The following NAIF1 variants were observed in gnomAD, a reference collection of about 807,000 sequenced individuals.
NAIF1 encodes nuclear apoptosis inducing factor 1.
In NAIF1, 14 loss-of-function variants were observed where a neutral mutation model predicts 20.7. The ratio of observed to expected loss-of-function variants is 0.67; its 90% CI spans 0.45 to 1.05. NAIF1 has a LOEUF of 1.05. NAIF1 is among the 50% of genes least tolerant of loss of function. The pLI is 0.00. For missense variants in NAIF1, 362 were observed against 448.8 expected, an observed-to-expected ratio of 0.81 and a Z score of 1.75; for synonymous variants, 191 against 191.4, an observed-to-expected ratio of 1.00 and a Z score of 0.02.
At position 128,062,867 on chromosome 9, in the gene NAIF1, G is replaced by A. The variant is rs1036221006; in HGVS notation, c.*561C>T. 1.8e-5 allele frequency: 3 copies of A among 163,802 alleles called. No individual in the cohort carries two copies. The highest frequency in any genetic ancestry group is 7.2e-5 in the African/African-American group (3 of 41,594). 10.1% of individuals were successfully genotyped at this position (163,802 alleles called of 1,614,324 possible). On this transcript the variant is annotated 3_prime_UTR_variant, in exon 2 of 2. Transcript: ENST00000373078. ...CCTAACAAGGGCCTGCGCTGTGCCT[G>A]GGGTGGGGTCGGGGGAGAGCACAAC...
rs1028665817 is a variant in NAIF1, at chr9:128,061,865, C to T, written c.*1563G>A. On this transcript the variant is annotated 3_prime_UTR_variant, in exon 2 of 2. Coordinates refer to ENST00000373078, the MANE Select transcript of NAIF1 (RefSeq NM_197956.4). ...AGACAAATGGCATCTGGGTAAAATC[C>T]TTACAGACATCTCAGAAGAGAAAGT... 3 of 152,220 alleles carry T rather than the reference C, an allele frequency of 2.0e-5. No individual in the cohort carries two copies. Among genetic ancestry groups the T allele is most frequent in the African/African-American group, 7.2e-5 (3 of 41,440 alleles). The allele number at this position is 152,220 out of a possible 1,614,324, so 9.4% of individuals were successfully genotyped here. A position where few individuals can be genotyped will look rare whatever the true frequency, so the allele number is the denominator to read the frequency against.
In NAIF1 at chr9:128,063,191, C is replaced by A. The variant is rs1490453125; in HGVS notation, c.*237G>T. On this transcript the variant is annotated 3_prime_UTR_variant, in exon 2 of 2. Transcript: ENST00000373078. This position sits in a 1 kb window ranked among gnomAD's most constrained non-coding sequence, Gnocchi z 4.3. ...CATGTCCCATCACATGCACACGTGA[C>A]CCCCTGCTAACCAATCTTCTGGATC... 66 of 561,936 alleles carry A rather than the reference C, an allele frequency of 1.2e-4. No homozygotes were observed. In the South Asian group the frequency reaches 1.4e-3, roughly 12 times the overall value. The allele number at this position is 561,936 out of a possible 1,614,324, so 34.8% of individuals were successfully genotyped here. A position where few individuals can be genotyped will look rare whatever the true frequency, so the allele number is the denominator to read the frequency against.
chr9:128,066,491 C>G (rs1564172890), intron 1 of NAIF1, 100 bp downstream of exon 1: 1 of 1,311,698 alleles, frequency 7.6e-7, no homozygotes, highest in Non-Finnish European at 1.0e-6. Context: ...AGACCCCCAT[C>G]TGACCTCTGA....
chr9:128,063,659 G>C lies in NAIF1; in HGVS notation c.753C>G (p.Asn251Lys), dbSNP rs778760393. ...KEIAQHLEQQ[N>K]DLLQMIRRSQ... Reference sequence around the variant, plus strand: ...AGCGGCGGATCATCTGCAGTAGGTCGTTCTGCTGTTCCAGGTGCTGTGCGA... The same window carrying C: ...AGCGGCGGATCATCTGCAGTAGGTCCTTCTGCTGTTCCAGGTGCTGTGCGA... The change falls in exon 2 of 2, where the codon AAC becomes AAG. Residue 251 changes from asparagine (N) to lysine (K), a missense_variant. Asn to Lys is a moderately conservative substitution (Grantham distance 94). Around this residue, in one of 3 missense-constraint regions of NAIF1, gnomAD observed 300 missense variants for 342.7 expected, o/e 0.88. Transcript: ENST00000373078. This position sits in a 1 kb window ranked among gnomAD's most constrained non-coding sequence, Gnocchi z 4.3. 11 of 1,614,076 alleles carry C rather than the reference G, an allele frequency of 6.8e-6. No homozygotes were observed. The highest frequency in any genetic ancestry group is 2.7e-5 in the African/African-American group (2 of 74,960).
In NAIF1 at chr9:128,063,645, A is replaced by G. The variant is rs1832744682; in HGVS notation, c.767T>C (p.Met256Thr). Residue 256 changes from methionine (M) to threonine (T), a missense_variant, in exon 2 of 2, where the codon ATG becomes ACG. Met to Thr is a moderately conservative substitution (Grantham distance 81). Coordinates refer to ENST00000373078, the MANE Select transcript of NAIF1 (RefSeq NM_197956.4). This position sits in a 1 kb window ranked among gnomAD's most constrained non-coding sequence, Gnocchi z 4.3. The stretch of plus-strand genomic sequence containing the variant: ...CTGCACTTCCTGGGAGCGGCGGATC[A>G]TCTGCAGTAGGTCGTTCTGCTGTTC... Reference protein sequence around the residue: ...HLEQQNDLLQMIRRSQEVQAC... With the variant: ...HLEQQNDLLQTIRRSQEVQAC... The G allele has an allele frequency of 1.2e-6, 2 of 1,614,124 alleles. No individual in the cohort carries two copies. The highest frequency in any genetic ancestry group is 4.5e-5 in the East Asian group (2 of 44,886).
In NAIF1 at chr9:128,066,815, G is replaced by C; in HGVS notation, c.287C>G (p.Pro96Arg). ...VRAAVEGGEAPGPTEEDGAGG... is the reference protein window; with the variant it reads ...VRAAVEGGEARGPTEEDGAGG... ...AGCTCCGTCCTCCTCAGTGGGCCCC[G>C]GCGCCTCACCACCCTCCACGGCGGC... is the stretch of plus-strand genomic sequence containing the variant. The change falls in exon 1 of 2, where the codon CCG becomes CGG. Residue 96 changes from proline (P) to arginine (R), a missense_variant. Physicochemically the swap from Pro to Arg is moderately radical, Grantham distance 103. Around this residue, in one of 3 missense-constraint regions of NAIF1, gnomAD observed 300 missense variants for 342.7 expected, o/e 0.88. Coordinates refer to ENST00000373078, the MANE Select transcript of NAIF1 (RefSeq NM_197956.4). 6.2e-7 allele frequency: 1 copy of C among 1,611,048 alleles called. No homozygotes were observed. Among genetic ancestry groups the C allele is most frequent in the Non-Finnish European group, 8.5e-7 (1 of 1,178,756 alleles).
intron 1 of NAIF1, 21 bp downstream of exon 1, chr9:128,066,570 T>C (rs753786652): frequency 6.7e-7 from 1 of 1,484,424 alleles, no homozygotes; most frequent in Non-Finnish European, 8.9e-7. Context: ...GCACGCCGCC[T>C]GGGCAGGAGA....
At chr9:128,064,727 G>T (rs923851118) in intron 1 of NAIF1, among the ~76,000 whole-genome samples, 1 of 152,060 alleles carries the variant, frequency 6.6e-6, no homozygotes, top group African/African-American at 2.4e-5. Context: ...CCCCGGCCGG[G>T]CGCGGTGGCT....
In NAIF1 at chr9:128,063,977, G is replaced by A; in HGVS notation, c.512-77C>T. On this transcript the variant is annotated intron_variant, in intron 1 of 1. Transcript: ENST00000373078. The surrounding 1 kb of genome is among the most constrained non-coding windows in gnomAD (Gnocchi z 4.3). Reference sequence around the variant, plus strand: ...AAAGCTGGCTGTATGGGGTGGGGAGGAGGCCATAAAGTCCTGTCCTGGAGG... The same window carrying A: ...AAAGCTGGCTGTATGGGGTGGGGAGAAGGCCATAAAGTCCTGTCCTGGAGG... 2 of 1,355,134 alleles carry A rather than the reference G, an allele frequency of 1.5e-6. No individual in the cohort carries two copies. The highest frequency in any genetic ancestry group is 2.0e-6 in the Non-Finnish European group (2 of 987,902). The allele number at this position is 1,355,134 out of a possible 1,614,324, so 83.9% of individuals were successfully genotyped here.
chr9:128,064,703 G>T (rs1157742699), intron 1 of NAIF1, among the ~76,000 whole-genome samples: 1 of 151,886 alleles, frequency 6.6e-6, no homozygotes, highest in Non-Finnish European at 1.5e-5. Context: ...GCTGCTCCTA[G>T]CTAAGAAAGG....
intron 1 of NAIF1, among the ~76,000 whole-genome samples, chr9:128,065,985 C>A (rs1832772876): frequency 6.6e-6 from 1 of 152,200 alleles, no homozygotes; most frequent in South Asian, 2.1e-4. Flanking sequence ...TATGTGTCAT[C>A]TCTGTCCTAC....
At chr9:128,064,652 C>T (rs1452535263) in intron 1 of NAIF1, among the ~76,000 whole-genome samples, 1 of 152,070 alleles carries the variant, frequency 6.6e-6, no homozygotes, top group Admixed American at 6.6e-5. Context: ...CCCAGGTCTC[C>T]CCAACAGCAG....
chr9:128,065,328 G>A (rs1371165077), intron 1 of NAIF1, among the ~76,000 whole-genome samples: 2 of 152,068 alleles, frequency 1.3e-5, no homozygotes, highest in African/African-American at 4.8e-5. Context: ...TATTGGCCAG[G>A]CTTGTCTCGA....
At position 128,067,275 on chromosome 9, in the gene NAIF1, G is replaced by A. The variant is rs986994627; in HGVS notation, c.-174C>T. ...CCCCCCTCGCTACGCAAAGTGCGTA[G>A]GGCCCAGCCCCGACCGGCCCGGCCG... On this transcript the variant is annotated 5_prime_UTR_variant, in exon 1 of 2. Transcript: ENST00000373078. 1.2e-5 allele frequency: 9 copies of A among 768,440 alleles called. No homozygotes were observed. Among genetic ancestry groups the A allele is most frequent in the South Asian group, 6.5e-5 (3 of 45,808 alleles). The allele number at this position is 768,440 out of a possible 1,614,324, so 47.6% of individuals were successfully genotyped here. A position where few individuals can be genotyped will look rare whatever the true frequency, so the allele number is the denominator to read the frequency against.
chr9:128,062,260 GA>G lies in NAIF1; in HGVS notation c.*1167del, dbSNP rs1229590936. The stretch of plus-strand genomic sequence containing the variant: ...CCGCCTCGGCCTCCCAAAGCGCTGG[GA>G]TTACAGACTTGAGCCACCTCGCCCG... On this transcript the variant is annotated 3_prime_UTR_variant, in exon 2 of 2. Transcript: ENST00000373078. 1 of 152,326 alleles carries G rather than the reference GA, an allele frequency of 6.6e-6. No homozygotes were observed. The highest frequency in any genetic ancestry group is 1.9e-4 in the East Asian group (1 of 5,188). 9.4% of individuals were successfully genotyped at this position (152,326 alleles called of 1,614,324 possible).
At position 128,063,594 on chromosome 9, in the gene NAIF1, T is replaced by C; in HGVS notation, c.818A>G (p.Gln273Arg). ...GGCAGCCTGTGTGCCCTCCATGGCC[T>C]GGGCCTGGCGCTCCTGGGCACAGGC... ...VQACAQERQA[Q>R]AMEGTQAALS... Residue 273 changes from glutamine (Q) to arginine (R), a missense_variant, in exon 2 of 2, where the codon CAG (glutamine) becomes CGG (arginine). This residue lies in a region of NAIF1 where 300 missense variants were observed against 342.7 expected (regional missense o/e 0.88). Transcript: ENST00000373078. This position sits in a 1 kb window ranked among gnomAD's most constrained non-coding sequence, Gnocchi z 4.3. The C allele has an allele frequency of 1.2e-6, 2 of 1,613,166 alleles. No individual in the cohort carries two copies. Among genetic ancestry groups the C allele is most frequent in the Non-Finnish European group, 1.7e-6 (2 of 1,180,048 alleles).
intron 1 of NAIF1, 146 bp downstream of exon 1, chr9:128,066,445 C>A: frequency 1.2e-6 from 1 of 802,680 alleles, no homozygotes; most frequent in Non-Finnish European, 1.8e-6. Flanking sequence ...TCACTTCTGT[C>A]TGGGTGCTGC....
rs986435866 is a variant in NAIF1 at position 128,063,122 on chromosome 9, A to G, written c.*306T>C. 2.5e-5 allele frequency: 10 copies of G among 399,740 alleles called. No homozygotes were observed. The highest frequency in any genetic ancestry group is 7.1e-4 in the Middle Eastern group (1 of 1,412). 24.8% of individuals were successfully genotyped at this position (399,740 alleles called of 1,614,324 possible). ...TTGTGTTGTTCCTTACAGTTGTCCA[A>G]GACCAAGGCTGGGTCATGTCACAAG... On this transcript the variant is annotated 3_prime_UTR_variant, in exon 2 of 2. Transcript: ENST00000373078. This position sits in a 1 kb window ranked among gnomAD's most constrained non-coding sequence, Gnocchi z 4.3.
chr9:128,063,813 G>C lies in NAIF1; in HGVS notation c.599C>G (p.Thr200Ser), dbSNP rs201054416. The C allele has an allele frequency of 3.2e-5, 51 of 1,613,520 alleles. No homozygotes were observed. The East Asian group carries it at 1.1e-3, about 36-fold the overall frequency. ...ATGCTGGGCCATCATGTCCACAGGG[G>C]TCTCTGGTGGCAGAGGTGGGGGCGC... ...AEAPPPLPPE[T>S]PVDMMAQHAD... Residue 200 changes from threonine (T) to serine (S), a missense_variant, in exon 2 of 2, where the codon ACC (threonine) becomes AGC (serine). Around this residue, in one of 3 missense-constraint regions of NAIF1, gnomAD observed 300 missense variants for 342.7 expected, o/e 0.88. Transcript: ENST00000373078. The surrounding 1 kb of genome is among the most constrained non-coding windows in gnomAD (Gnocchi z 4.3).
Sources: allele counts gnomAD v4.1 joint callset (sites outside exome capture counted in the v4.1 genomes callset), GRCh38; gene constraint gnomAD v4.1.1; regional missense constraint gnomAD v4.1.1; non-coding constraint Gnocchi (gnomAD v3.1); transcripts MANE v1.5; gene names NCBI Gene and HGNC (gene_info 2026-07-23, HGNC 2026-07-21).